The following ZER1 variants were observed in gnomAD, a reference collection of about 807,000 sequenced individuals.
ZER1 encodes the protein protein zer-1 homolog.
In ZER1, 11 loss-of-function variants were observed where a neutral mutation model predicts 78.8. The observed-to-expected ratio is 0.14, with a 90% confidence interval of 0.09 to 0.23. The LOEUF (loss-of-function observed/expected upper bound fraction) is 0.23. Ranked by LOEUF, ZER1 falls within the 10% of genes least tolerant of loss-of-function variation. The probability of loss-of-function intolerance (pLI) is 1.00; values close to 1 mark genes in which losing one functional copy is unlikely to be tolerated. For synonymous variants in ZER1, 400 were observed against 407.0 expected (o/e 0.98, Z 0.21); for missense variants, 588 against 996.9 (o/e 0.59, Z 5.52).
At chr9:128,760,206 GT>G (rs1383607138) in intron 1 of ZER1, among the ~76,000 whole-genome samples, 1 of 151,032 alleles carries the variant, frequency 6.6e-6, no homozygotes, top group Non-Finnish European at 1.5e-5. Context: ...CTTCATAAAA[GT>G]TTTTTATTTT....
chr9:128,742,478 G>T, intron 9 of ZER1, 52 bp downstream of exon 9: 1 of 1,599,308 alleles, frequency 6.3e-7, no homozygotes, highest in Non-Finnish European at 8.6e-7. Flanking sequence ...GTAGAGGGGT[G>T]GGGGAGAGCA....
chr9:128,743,882 A>G (rs113083679), intron 8 of ZER1, among the ~76,000 whole-genome samples: 20 of 128,572 alleles, frequency 1.6e-4, no homozygotes, highest in Admixed American at 7.4e-4. Context: ...AGGCGCCTCC[A>G]ATGGCCCCTG....
chr9:128,738,269 T>C (rs1863158768), intron 13 of ZER1, among the ~76,000 whole-genome samples: 1 of 138,514 alleles, frequency 7.2e-6, no homozygotes, highest in African/African-American at 2.7e-5. Flanking sequence ...TGGTCTCGAT[T>C]TCCTGACCTC....
intron 8 of ZER1, among the ~76,000 whole-genome samples, chr9:128,747,602 G>T (rs915432441): frequency 5.9e-5 from 9 of 152,056 alleles, no homozygotes; most frequent in Non-Finnish European, 4.4e-5. Context: ...AAGCATTTAG[G>T]TATCTTTTTT....
At position 128,740,715 on chromosome 9, in the gene ZER1, A is replaced by G; in HGVS notation, c.1853+57T>C. The G allele has an allele frequency of 2.6e-6, 2 of 768,746 alleles. No individual in the cohort carries two copies. Among genetic ancestry groups the G allele is most frequent in the South Asian group, 2.7e-5 (2 of 73,616 alleles). 47.6% of individuals were successfully genotyped at this position (768,746 alleles called of 1,614,324 possible). ...GCAGTTGTGCAACTGAGCAAACGCT[A>G]GAGCTCTGAGCATTGTGGCAGCTAA... On this transcript the variant is annotated intron_variant, in intron 12 of 15. Transcript: ENST00000291900. The surrounding 1 kb of genome is among the most constrained non-coding windows in gnomAD (Gnocchi z 4.4).
chr9:128,763,852 T>C (rs927509844), intron 1 of ZER1, among the ~76,000 whole-genome samples: 5 of 152,112 alleles, frequency 3.3e-5, no homozygotes, highest in Non-Finnish European at 7.4e-5. Flanking sequence ...GCTGGGCTGG[T>C]GGCGCACGCC....
chr9:128,754,661 CTAA>C lies in ZER1; in HGVS notation c.159-705_159-703del, dbSNP rs1863798891. ...GGCTTCTAGTTTCCTATGCAGCTGT[CTAA>C]TAATTTCCCTTCTGGGAATCTTTTT... On this transcript the variant is annotated intron_variant, in intron 2 of 15. Coordinates refer to ENST00000291900, the MANE Select transcript of ZER1 (RefSeq NM_006336.4). The surrounding 1 kb of genome is among the most constrained non-coding windows in gnomAD (Gnocchi z 4.3). 6.6e-6 allele frequency among the ~76,000 whole-genome samples: 1 copy of C among 151,948 alleles called. No individual in the cohort carries two copies. Among genetic ancestry groups the C allele is most frequent in the Admixed American group, 6.6e-5 (1 of 15,246 alleles).
At chr9:128,741,397 C>T (rs572683859) in intron 11 of ZER1, 138 bp downstream of exon 11, 2 of 1,328,778 alleles carry the variant, frequency 1.5e-6, no homozygotes, top group East Asian at 2.3e-5. Context: ...GGTGGGTGGG[C>T]CTGAGTCTGT....
At chr9:128,733,125 C>T (rs542642494) in intron 15 of ZER1, 35 of 326,270 alleles carry the variant, frequency 1.1e-4, no homozygotes, top group Non-Finnish European at 1.8e-4. Context: ...ATAGTTCTGA[C>T]CTGACTTGCT....
chr9:128,759,854 G>A (rs1294818698), intron 1 of ZER1, among the ~76,000 whole-genome samples: 1 of 152,102 alleles, frequency 6.6e-6, no homozygotes, highest in Non-Finnish European at 1.5e-5. Flanking sequence ...CTTTCCTTAT[G>A]TATGTATTTT....
In ZER1 at chr9:128,752,954, C is replaced by A; in HGVS notation, c.747-105G>T. The A allele has an allele frequency of 2.8e-6, 4 of 1,423,962 alleles. No individual in the cohort carries two copies. In the South Asian group the frequency reaches 4.1e-5, roughly 15 times the overall value. 88.2% of individuals were successfully genotyped at this position (1,423,962 alleles called of 1,614,324 possible). On this transcript the variant is annotated intron_variant, in intron 4 of 15. Coordinates refer to ENST00000291900, the MANE Select transcript of ZER1 (RefSeq NM_006336.4). ...TGTAGCAGGGGAGGGCCCATTCCTGCCACAACTTCCCCAGGGCATTCTGGG... is the reference window on the plus strand; with the variant it reads ...TGTAGCAGGGGAGGGCCCATTCCTGACACAACTTCCCCAGGGCATTCTGGG...
At position 128,754,097 on chromosome 9, in the gene ZER1, G is replaced by A; in HGVS notation, c.159-138C>T. On this transcript the variant is annotated intron_variant, in intron 2 of 15. Transcript: ENST00000291900. This position sits in a 1 kb window ranked among gnomAD's most constrained non-coding sequence, Gnocchi z 4.3. ...TCCTTCTCCTAAGAGTATCTGGTCA[G>A]ATCCTGACTAAACTACCAGTAAGAT... 8.9e-7 allele frequency: 1 copy of A among 1,122,920 alleles called. No individual in the cohort carries two copies. Among genetic ancestry groups the A allele is most frequent in the Non-Finnish European group, 1.3e-6 (1 of 799,092 alleles). The allele number at this position is 1,122,920 out of a possible 1,614,324, so 69.6% of individuals were successfully genotyped here.
At chr9:128,741,706 G>A (rs1361771855) in intron 10 of ZER1, 52 bp from the exon 11 acceptor site, 1 of 1,613,886 alleles carries the variant, frequency 6.2e-7, no homozygotes, top group South Asian at 1.1e-5. Context: ...CGGGGAGGGG[G>A]GCCCCTGACA....
At chr9:128,758,962 G>A (rs1414727152) in intron 1 of ZER1, among the ~76,000 whole-genome samples, 4 of 151,904 alleles carry the variant, frequency 2.6e-5, no homozygotes, top group Non-Finnish European at 4.4e-5. Flanking sequence ...AATCTTCACC[G>A]ACCTGTGTAT....
intron 1 of ZER1, among the ~76,000 whole-genome samples, chr9:128,760,755 T>C (rs1480721811): frequency 2.7e-5 from 4 of 150,898 alleles, no homozygotes; most frequent in Non-Finnish European, 5.9e-5. Context: ...ATTGCGCCAC[T>C]GCACTCCAGC....
intron 1 of ZER1, among the ~76,000 whole-genome samples, chr9:128,769,712 G>A (rs1864325334): frequency 6.6e-6 from 1 of 152,100 alleles, no homozygotes; most frequent in Admixed American, 6.6e-5. Flanking sequence ...CCAGCCTGCT[G>A]TATTTTCCAG....
intron 13 of ZER1, among the ~76,000 whole-genome samples, chr9:128,737,776 C>T (rs1165424846): frequency 6.7e-6 from 1 of 149,630 alleles, no homozygotes; most frequent in Non-Finnish European, 1.5e-5. Context: ...GTTCTTGGCT[C>T]ACTGCAACCT....
rs373284188 is a variant in ZER1 at position 128,762,467 on chromosome 9, G to A, written c.-94-6808C>T. On this transcript the variant is annotated intron_variant, in intron 1 of 15. Coordinates refer to ENST00000291900, the MANE Select transcript of ZER1 (RefSeq NM_006336.4). ...CTCACATTTCAGCCTTGCTGCTCAC[G>A]AGGAGACAAACTTGGGCAAGTGTCT... Among the ~76,000 whole-genome samples the A allele has an allele frequency of 1.7e-3, 254 of 152,274 alleles. 2 individuals are homozygous for A. Among genetic ancestry groups the A allele is most frequent in the Non-Finnish European group, 3.0e-3 (203 of 68,028 alleles).
In ZER1 at chr9:128,729,889, TGGCCGG is replaced by T. The variant is rs908391869; in HGVS notation, c.*1442_*1447del. 3 of 152,620 alleles carry T rather than the reference TGGCCGG, an allele frequency of 2.0e-5. No individual in the cohort carries two copies. Among genetic ancestry groups the T allele is most frequent in the African/African-American group, 4.8e-5 (2 of 41,418 alleles). The allele number at this position is 152,620 out of a possible 1,614,324, so 9.5% of individuals were successfully genotyped here. On this transcript the variant is annotated 3_prime_UTR_variant, in exon 16 of 16. Coordinates refer to ENST00000291900, the MANE Select transcript of ZER1 (RefSeq NM_006336.4). ...ATGAGGTGTGAAGTCTGCCAGGGTC[TGGCCGG>T]GGCCGCTGAGCGTGGGAAGGAAGGG...
Sources: allele counts gnomAD v4.1 joint callset (sites outside exome capture counted in the v4.1 genomes callset), GRCh38; gene constraint gnomAD v4.1.1; non-coding constraint Gnocchi (gnomAD v3.1); transcripts MANE v1.5; gene names NCBI Gene and HGNC (gene_info 2026-07-23, HGNC 2026-07-21).